TRAF7: variants seen among roughly 807,000 people sequenced by gnomAD.
The protein encoded by TRAF7 is TNF receptor associated factor 7, also known as E3 ubiquitin-protein ligase TRAF7.
In TRAF7, 45 loss-of-function variants were observed where a neutral mutation model predicts 89.3. That is an observed-to-expected ratio of 0.50 (90% CI 0.40 to 0.65). The LOEUF is 0.65. TRAF7 is among the 30% of genes least tolerant of loss of function. The pLI, the probability that TRAF7 is intolerant of heterozygous loss-of-function variation, is 0.00. For synonymous variants in TRAF7, 406 were observed against 369.2 expected (o/e 1.10, Z -1.14); for missense variants, 677 against 918.1 (o/e 0.74, Z 3.39).
chr16:2,167,153 T>C (rs1555466062), intron 3 of TRAF7, among the ~76,000 whole-genome samples: 1 of 152,112 alleles, frequency 6.6e-6, no homozygotes, highest in Non-Finnish European at 1.5e-5. Context: ...AGAAGCCCCA[T>C]GGCCCCTGTC....
In TRAF7 at chr16:2,161,674, G is replaced by C. The variant is rs572219993; in HGVS notation, c.-38-2209G>C. On this transcript the variant is annotated intron_variant, in intron 1 of 20. Coordinates refer to ENST00000326181, the MANE Select transcript of TRAF7 (RefSeq NM_032271.3). This position sits in a 1 kb window ranked among gnomAD's most constrained non-coding sequence, Gnocchi z 5.2. ...CTCCCAGAGGGCAGGAGCCAACCTG[G>C]GGCTCCCAAAAGGGCTGAACCTCCT... 1.3e-3 allele frequency among the ~76,000 whole-genome samples: 192 copies of C among 152,256 alleles called. 1 individual carries two copies. Among genetic ancestry groups the C allele is most frequent in the Admixed American group, 4.3e-3 (66 of 15,296 alleles).
intron 7 of TRAF7, 60 bp from the exon 8 acceptor site, chr16:2,172,131 C>T (rs2093114231): frequency 2.5e-6 from 4 of 1,600,788 alleles, no homozygotes; most frequent in Admixed American, 3.4e-5. Flanking sequence ...CTCATGCCCA[C>T]CCGGGTGAGG....
chr16:2,164,942 C>G (rs1396902076), intron 2 of TRAF7, among the ~76,000 whole-genome samples: 18 of 63,522 alleles, frequency 2.8e-4, no homozygotes, highest in Non-Finnish European at 4.8e-4. Context: ...CATGGTTAAG[C>G]GTGTGAGTGC....
At position 2,175,901 on chromosome 16, in the gene TRAF7, T is replaced by C. The variant is rs200476393; in HGVS notation, c.1694T>C (p.Ile565Thr). 8.7e-6 allele frequency: 14 copies of C among 1,613,412 alleles called. No homozygotes were observed. Among genetic ancestry groups the C allele is most frequent in the Non-Finnish European group, 1.2e-5 (14 of 1,179,992 alleles). Residue 565 changes from isoleucine (I) to threonine (T), a missense_variant, in exon 18 of 21, where the codon ATT becomes ACT. Coordinates refer to ENST00000326181, the MANE Select transcript of TRAF7 (RefSeq NM_032271.3). ...ACGTCTGGTGGCAGCGTCTACTCCA[T>C]TGCTGTGACAAATCACCACATTGTC... The part of the protein sequence containing the change: ...LQTSGGSVYS[I>T]AVTNHHIVCG...
At chr16:2,164,742 G>T (rs258284) in intron 2 of TRAF7, among the ~76,000 whole-genome samples, 11 of 109,598 alleles carry the variant, frequency 1.0e-4, no homozygotes, top group South Asian at 3.1e-4. Flanking sequence ...TTAAGCGTGT[G>T]AGTGCTGCGT....
At chr16:2,160,715 C>T (rs2093055117) in intron 1 of TRAF7, among the ~76,000 whole-genome samples, 1 of 152,092 alleles carries the variant, frequency 6.6e-6, no homozygotes, top group Non-Finnish European at 1.5e-5. Context: ...CACACCCCCA[C>T]TTCCCCAGCA....
rs747054686 is a variant in TRAF7, at chr16:2,176,972, G to A, written c.*398G>A. 4 of 413,004 alleles carry A rather than the reference G, an allele frequency of 9.7e-6. No homozygotes were observed. The highest frequency in any genetic ancestry group is 1.4e-5 in the Non-Finnish European group (3 of 219,984). 25.6% of individuals were successfully genotyped at this position (413,004 alleles called of 1,614,324 possible). Reference sequence around the variant, plus strand: ...TGGGGACAGCTCCTCGGGACAAGGGGGCTGTGTGTGGCCTTGAGGTTGGTG... The same window carrying A: ...TGGGGACAGCTCCTCGGGACAAGGGAGCTGTGTGTGGCCTTGAGGTTGGTG... On this transcript the variant is annotated 3_prime_UTR_variant, in exon 21 of 21. Coordinates refer to ENST00000326181, the MANE Select transcript of TRAF7 (RefSeq NM_032271.3).
rs1046553938 is a variant in TRAF7, at chr16:2,177,485, G to A, written c.*911G>A. ...CTGTGGATCAGCAAACACGATAGAG[G>A]AGACCAGTCAGTACTTCTTGGAGGG... On this transcript the variant is annotated 3_prime_UTR_variant, in exon 21 of 21. Coordinates refer to ENST00000326181, the MANE Select transcript of TRAF7 (RefSeq NM_032271.3). The A allele has an allele frequency of 5.1e-5, 12 of 233,486 alleles. No individual in the cohort carries two copies. The highest frequency in any genetic ancestry group is 2.2e-4 in the African/African-American group (10 of 45,258). 14.5% of individuals were successfully genotyped at this position (233,486 alleles called of 1,614,324 possible).
intron 9 of TRAF7, 43 bp downstream of exon 9, chr16:2,172,642 C>A (rs2093117687): frequency 8.5e-6 from 13 of 1,531,974 alleles, no homozygotes; most frequent in Non-Finnish European, 1.1e-5. Context: ...TGGGCGCAGG[C>A]CCTCCACAGG....
rs564325600 is a variant in TRAF7 at position 2,172,528 on chromosome 16, G to A, written c.723G>A (p.Pro241=). ...GTCCCAACAACCCCAGCTGCCCCCCGCTGCTCAGGATGAACCTGGAGGCCC... is the reference window on the plus strand; with the variant it reads ...GTCCCAACAACCCCAGCTGCCCCCCACTGCTCAGGATGAACCTGGAGGCCC... ...VRCPNNPSCP[P]LLRMNLEAHL... The change falls in exon 9 of 21, where the codon CCG becomes CCA. Residue 241 remains proline (P), a synonymous_variant. Coordinates refer to ENST00000326181, the MANE Select transcript of TRAF7 (RefSeq NM_032271.3). 1.5e-4 allele frequency: 233 copies of A among 1,591,756 alleles called. No individual in the cohort carries two copies. In the South Asian group the frequency reaches 1.8e-3, roughly 13 times the overall value.
chr16:2,166,050 T>C, intron 3 of TRAF7, 114 bp downstream of exon 3: 1 of 1,344,388 alleles, frequency 7.4e-7, no homozygotes, highest in Non-Finnish European at 1.0e-6. Context: ...GTGCCAGTGC[T>C]GGGCGCGGGC....
intron 1 of TRAF7, among the ~76,000 whole-genome samples, chr16:2,156,746 G>A (rs899092043): frequency 1.4e-5 from 2 of 146,156 alleles, no homozygotes; most frequent in Non-Finnish European, 3.0e-5. Context: ...GGGCGGGGGG[G>A]TTATTATGCT....
Position 2,176,080 on chromosome 16 carries a change from G to A in TRAF7, c.1778G>A (p.Arg593Gln), listed in dbSNP as rs2093134507. 5.6e-6 allele frequency: 9 copies of A among 1,610,352 alleles called. No homozygotes were observed. Among genetic ancestry groups the A allele is most frequent in the Non-Finnish European group, 6.8e-6 (8 of 1,178,630 alleles). The part of the protein sequence containing the change: ...VWDIESKEQV[R>Q]TLTGHVGTVY... ...GACATTGAGTCCAAGGAGCAGGTGCGGACCCTCACGGGCCACGTGGGCACC... is the reference window on the plus strand; with the variant it reads ...GACATTGAGTCCAAGGAGCAGGTGCAGACCCTCACGGGCCACGTGGGCACC... Residue 593 changes from arginine (R) to glutamine (Q), a missense_variant, in exon 19 of 21, where the codon CGG (arginine) becomes CAG (glutamine). By Grantham distance (43) the Arg-to-Gln change is conservative (BLOSUM62 1). Transcript: ENST00000326181.
At position 2,161,498 on chromosome 16, in the gene TRAF7, G is replaced by A. The variant is rs757272740; in HGVS notation, c.-38-2385G>A. 5.3e-5 allele frequency among the ~76,000 whole-genome samples: 8 copies of A among 152,156 alleles called. No individual in the cohort carries two copies. Among genetic ancestry groups the A allele is most frequent in the Non-Finnish European group, 1.2e-4 (8 of 68,022 alleles). On this transcript the variant is annotated intron_variant, in intron 1 of 20. Transcript: ENST00000326181. The surrounding 1 kb of genome is among the most constrained non-coding windows in gnomAD (Gnocchi z 5.2). ...GACCCATCCCAGGGGAGTGCCTGCTGGGGTCCTGGCCACCTGGGCCCCCGG... is the reference window on the plus strand; with the variant it reads ...GACCCATCCCAGGGGAGTGCCTGCTAGGGTCCTGGCCACCTGGGCCCCCGG...
At chr16:2,165,617 G>A (rs1309509878) in intron 2 of TRAF7, among the ~76,000 whole-genome samples, 9 of 110,882 alleles carry the variant, frequency 8.1e-5, no homozygotes, top group Non-Finnish European at 1.2e-4. Flanking sequence ...GCTGTGTGGC[G>A]CAGCCTGGTC....
At position 2,164,157 on chromosome 16, in the gene TRAF7, TGTGCGCGCGCGCGC is replaced by T. The variant is rs1400574866; in HGVS notation, c.81+158_81+171del. Among the ~76,000 whole-genome samples, 238 of 126,512 alleles carry T rather than the reference TGTGCGCGCGCGCGC, an allele frequency of 1.9e-3. 1 individual carries two copies. Among genetic ancestry groups the T allele is most frequent in the African/African-American group, 2.6e-3 (81 of 31,342 alleles). 83.0% of individuals were successfully genotyped at this position (126,512 alleles called of 152,430 possible). On this transcript the variant is annotated intron_variant, in intron 2 of 20. Coordinates refer to ENST00000326181, the MANE Select transcript of TRAF7 (RefSeq NM_032271.3). ...GGGGTGTGGTGTGTGTGTGTGTGTG[TGTGCGCGCGCGCGC>T]GCGCGCGCGCACGCGTGCGTGTGTG...
At chr16:2,170,891 AG>A (rs2093106581) in intron 5 of TRAF7, among the ~76,000 whole-genome samples, 161 bp downstream of exon 5, 1 of 152,152 alleles carries the variant, frequency 6.6e-6, no homozygotes, top group African/African-American at 2.4e-5. Flanking sequence ...TGGGGACTCG[AG>A]GGACCAGGCC....
rs1475362949 is a variant in TRAF7, at chr16:2,176,401, C to T, written c.1998+17C>T. The T allele has an allele frequency of 1.9e-6, 3 of 1,610,660 alleles. No individual in the cohort carries two copies. Among genetic ancestry groups the T allele is most frequent in the African/African-American group, 2.7e-5 (2 of 74,934 alleles). ...ACTGTGAAGGTCAGTGCCCGTGGCT[C>T]AGGCCATTCAAAGGGGCTGCACAGG... On this transcript the variant is annotated intron_variant, in intron 20 of 20. Coordinates refer to ENST00000326181, the MANE Select transcript of TRAF7 (RefSeq NM_032271.3).
At chr16:2,164,512 G>A (rs1245913140) in intron 2 of TRAF7, among the ~76,000 whole-genome samples, 2 of 141,078 alleles carry the variant, frequency 1.4e-5, no homozygotes, top group African/African-American at 5.4e-5. Context: ...TACGTGGCCT[G>A]GCCTGGTCGC....
Sources: gnomAD v4.1 joint callset for allele counts (sites outside exome capture counted in the v4.1 genomes callset) on GRCh38, gnomAD v4.1.1 for gene constraint, Gnocchi (gnomAD v3.1) non-coding constraint, MANE v1.5 for transcripts, NCBI Gene and HGNC (gene_info 2026-07-23, HGNC 2026-07-21) for gene names.